SETBP1: variants seen among roughly 807,000 people sequenced by gnomAD.
The protein encoded by SETBP1 is SET-binding protein.
A neutral mutation model predicts 101.0 loss-of-function variants in SETBP1; 9 were observed. That is an observed-to-expected ratio of 0.09 (90% confidence interval 0.05 to 0.16). The LOEUF is 0.16. Ranked by LOEUF, SETBP1 falls within the 10% of genes least tolerant of loss-of-function variation. The pLI is 1.00. For missense variants in SETBP1, 1,858 were observed against 2,033.8 expected, an observed-to-expected ratio of 0.91 and a Z score of 1.66; for synonymous variants, 818 against 788.5, an observed-to-expected ratio of 1.04 and a Z score of -0.63.
rs1222704332 is a variant in SETBP1 at position 44,952,056 on chromosome 18, C to A, written c.2716C>A (p.Pro906Thr). Reference sequence around the variant, plus strand: ...CTCCCTGGACAACCCGGAGGCCATTCCGTCCGACACCAGCACAAAGAACCG... The same window carrying A: ...CTCCCTGGACAACCCGGAGGCCATTACGTCCGACACCAGCACAAAGAACCG... ...FCSLDNPEAIPSDTSTKNRHG... is the reference protein window; with the variant it reads ...FCSLDNPEAITSDTSTKNRHG... The change falls in exon 4 of 6, where the codon CCG (proline) becomes ACG (threonine). Residue 906 changes from proline to threonine, a missense_variant. By Grantham distance (38) the Pro-to-Thr change is conservative (BLOSUM62 -1). Coordinates refer to ENST00000649279, the MANE Select transcript of SETBP1 (RefSeq NM_015559.3). The A allele has an allele frequency of 6.2e-7, 1 of 1,614,088 alleles. No homozygotes were observed. The highest frequency in any genetic ancestry group is 1.7e-5 in the Admixed American group (1 of 60,022).
chr18:45,038,810 G>A (rs1296483053), intron 5 of SETBP1, among the ~76,000 whole-genome samples, 155 bp downstream of exon 5: 2 of 152,176 alleles, frequency 1.3e-5, no homozygotes, highest in African/African-American at 4.8e-5. Flanking sequence ...CTGGCTCTTT[G>A]AAGTGGGAGG....
chr18:45,038,534 G>A lies in SETBP1; in HGVS notation c.4050G>A (p.Lys1350=), dbSNP rs2073445782. The A allele has an allele frequency of 1.9e-6, 3 of 1,614,142 alleles. No individual in the cohort carries two copies. The highest frequency in any genetic ancestry group is 1.7e-5 in the Admixed American group (1 of 60,014). Reference sequence around the variant, plus strand: ...TGGACCAGACAGCAGTGCATAGTAAGAACGAAGGCTCAGTGCCCACCATGA... The same window carrying A: ...TGGACCAGACAGCAGTGCATAGTAAAAACGAAGGCTCAGTGCCCACCATGA... ...LKVDQTAVHS[K]NEGSVPTMMT... Residue 1350 remains lysine (K), a synonymous_variant, in exon 5 of 6, where the codon AAG becomes AAA. Transcript: ENST00000649279.
At chr18:44,819,894 A>T (rs758929285) in intron 2 of SETBP1, among the ~76,000 whole-genome samples, 21 of 152,216 alleles carry the variant, frequency 1.4e-4, no homozygotes, top group Non-Finnish European at 3.1e-4. Context: ...TGATCTCCAA[A>T]CCAGCAGCAA....
At chr18:44,880,955 AG>A (rs2070990294) in intron 3 of SETBP1, among the ~76,000 whole-genome samples, 1 of 152,214 alleles carries the variant, frequency 6.6e-6, no homozygotes, top group African/African-American at 2.4e-5. Context: ...TCCAGCAAAA[AG>A]TAGATGCTCA....
intron 1 of SETBP1, among the ~76,000 whole-genome samples, chr18:44,695,629 C>A (rs969710293): frequency 2.0e-5 from 3 of 152,014 alleles, no homozygotes; most frequent in African/African-American, 4.8e-5. Flanking sequence ...GAGTCCAGAG[C>A]CGAGGGAGGA....
At chr18:44,982,704 C>G (rs910179840) in intron 4 of SETBP1, among the ~76,000 whole-genome samples, 1 of 152,112 alleles carries the variant, frequency 6.6e-6, no homozygotes, top group South Asian at 2.1e-4. Context: ...ATTTCTGTTC[C>G]CAGTGGGTCA....
chr18:44,688,853 G>C (rs2068881732), intron 1 of SETBP1, among the ~76,000 whole-genome samples: 1 of 152,182 alleles, frequency 6.6e-6, no homozygotes, highest in African/African-American at 2.4e-5. Flanking sequence ...ATACTTTAGA[G>C]CTCTATTACG....
intron 3 of SETBP1, among the ~76,000 whole-genome samples, chr18:44,944,842 T>C (rs1317866275): frequency 1.3e-5 from 2 of 152,164 alleles, no homozygotes; most frequent in Non-Finnish European, 2.9e-5. Flanking sequence ...CTCCTTGCAA[T>C]AAACTTTGCT....
chr18:44,973,788 G>C (rs550549760), intron 4 of SETBP1, among the ~76,000 whole-genome samples: 2 of 152,308 alleles, frequency 1.3e-5, no homozygotes, highest in African/African-American at 4.8e-5. Flanking sequence ...GCCGCGGTAA[G>C]TGGAGAGGCA....
At chr18:44,941,771 T>G (rs1464925720) in intron 3 of SETBP1, among the ~76,000 whole-genome samples, 2 of 152,146 alleles carry the variant, frequency 1.3e-5, no homozygotes, top group Non-Finnish European at 2.9e-5. Flanking sequence ...AGTTTTTTTT[T>G]TTGTTTGAGA....
intron 3 of SETBP1, among the ~76,000 whole-genome samples, chr18:44,915,520 A>G (rs538805246): frequency 6.6e-6 from 1 of 152,376 alleles, no homozygotes; most frequent in Non-Finnish European, 1.5e-5. Flanking sequence ...AAGAAAAAAG[A>G]CAAAAACACA....
intron 2 of SETBP1, among the ~76,000 whole-genome samples, chr18:44,845,091 A>G (rs1000484235): frequency 3.3e-5 from 5 of 152,142 alleles, no homozygotes; most frequent in Non-Finnish European, 5.9e-5. Flanking sequence ...CCCTTTCACT[A>G]TGGGGTGATT....
In SETBP1 at chr18:44,886,470, G is replaced by A. The variant is rs183641630; in HGVS notation, c.540+17187G>A. On this transcript the variant is annotated intron_variant, in intron 3 of 5. Coordinates refer to ENST00000649279, the MANE Select transcript of SETBP1 (RefSeq NM_015559.3). ...TTGGATCAAAGCCTTCCTCTTTCTC[G>A]TCTTCTTATTTTTTTGATTAGATAT... Among the ~76,000 whole-genome samples, 6 of 151,984 alleles carry A rather than the reference G, an allele frequency of 3.9e-5. No individual in the cohort carries two copies. The East Asian group carries it at 5.8e-4, about 15-fold the overall frequency.
intron 2 of SETBP1, among the ~76,000 whole-genome samples, chr18:44,807,916 C>G (rs1377822743): frequency 6.6e-6 from 1 of 152,128 alleles, no homozygotes; most frequent in Non-Finnish European, 1.5e-5. Context: ...GCTGCACAGC[C>G]AGAAGGAGCA....
intron 2 of SETBP1, among the ~76,000 whole-genome samples, chr18:44,826,517 G>T (rs943998931): frequency 1.3e-5 from 2 of 152,204 alleles, no homozygotes; most frequent in Non-Finnish European, 2.9e-5. Flanking sequence ...GGCATGTGGA[G>T]TCCCAGGGTG....
At chr18:44,710,414 ACACAG>A (rs2144261270) in intron 2 of SETBP1, among the ~76,000 whole-genome samples, 1 of 150,730 alleles carries the variant, frequency 6.6e-6, no homozygotes. Flanking sequence ...TATAGAAAAT[ACACAG>A]CACAAGGCCT....
chr18:44,759,354 G>T (rs1319801919), intron 2 of SETBP1, among the ~76,000 whole-genome samples: 1 of 152,152 alleles, frequency 6.6e-6, no homozygotes, highest in East Asian at 1.9e-4. Flanking sequence ...TCCTGCGAAG[G>T]TGATACGTTC....
intron 4 of SETBP1, among the ~76,000 whole-genome samples, chr18:45,028,936 G>A (rs563356152): frequency 1.3e-4 from 20 of 152,148 alleles, no homozygotes; most frequent in East Asian, 3.9e-4. Context: ...AGTAAGTTGC[G>A]AAAATTTTCT....
chr18:44,866,818 G>C (rs1341627141), intron 2 of SETBP1, among the ~76,000 whole-genome samples: 1 of 152,210 alleles, frequency 6.6e-6, no homozygotes, highest in East Asian at 1.9e-4. Context: ...AATTCAGATG[G>C]ATAAATGGTC....
Sources: allele counts gnomAD v4.1 joint callset (sites outside exome capture counted in the v4.1 genomes callset), GRCh38; gene constraint gnomAD v4.1.1; transcripts MANE v1.5; gene names NCBI Gene and HGNC (gene_info 2026-07-23, HGNC 2026-07-21).